The following EPHX2 variants were observed in gnomAD, a reference collection of about 807,000 sequenced individuals.
The protein encoded by EPHX2 is bifunctional epoxide hydrolase 2.
Under a neutral mutation model 78.7 loss-of-function variants are expected in EPHX2, and 74 were observed. The ratio of observed to expected loss-of-function variants is 0.94; its 90% confidence interval spans 0.78 to 1.14. The LOEUF is 1.14. Among genes scored for constraint, EPHX2 ranks in the 50% most tolerant of loss-of-function variants. EPHX2 has a pLI of 0.00. For missense variants in EPHX2, 715 were observed against 702.5 expected (o/e 1.02, Z -0.20); for synonymous variants, 251 against 255.2 (o/e 0.98, Z 0.16).
At chr8:27,538,825 C>T in intron 14 of EPHX2, 133 bp downstream of exon 14, 1 of 971,490 alleles carries the variant, frequency 1.0e-6, no homozygotes, top group Non-Finnish European at 1.6e-6. Context: ...CCAGGGTCCC[C>T]TCGGCATGCA....
chr8:27,521,047 G>A, intron 10 of EPHX2, 138 bp downstream of exon 10: 1 of 930,740 alleles, frequency 1.1e-6, no homozygotes, highest in Non-Finnish European at 1.7e-6. Flanking sequence ...GAGTGGGCAT[G>A]GGCAGGGAAA....
At chr8:27,529,167 C>T (rs1309960743) in intron 12 of EPHX2, among the ~76,000 whole-genome samples, 2 of 152,310 alleles carry the variant, frequency 1.3e-5, no homozygotes, top group East Asian at 3.9e-4. Context: ...AGTCAGCTCC[C>T]ATATAGCTCT....
intron 11 of EPHX2, 83 bp from the exon 12 acceptor site, chr8:27,525,278 AG>A: frequency 8.3e-7 from 1 of 1,202,542 alleles, no homozygotes; most frequent in Non-Finnish European, 1.2e-6. Context: ...TCTGAGCTTC[AG>A]TTTTGAACTG....
chr8:27,525,114 G>GCGCA (rs1554523138), intron 11 of EPHX2, among the ~76,000 whole-genome samples: 7 of 150,632 alleles, frequency 4.6e-5, no homozygotes, highest in African/African-American at 9.8e-5. Context: ...GTGTGCGCGC[G>GCGCA]CGCGCGCGCA....
At chr8:27,525,269 C>A in intron 11 of EPHX2, 93 bp from the exon 12 acceptor site, 1 of 1,094,744 alleles carries the variant, frequency 9.1e-7, no homozygotes, top group Non-Finnish European at 1.4e-6. Flanking sequence ...TGTTCCCACT[C>A]TGAGCTTCAG....
At chr8:27,529,269 GAA>G (rs1814952761) in intron 12 of EPHX2, among the ~76,000 whole-genome samples, 1 of 152,234 alleles carries the variant, frequency 6.6e-6, no homozygotes, top group African/African-American at 2.4e-5. Context: ...CCTTCTCAGA[GAA>G]GAGGTGACAG....
chr8:27,526,775 G>A (rs1166814859), intron 12 of EPHX2, among the ~76,000 whole-genome samples: 1 of 151,774 alleles, frequency 6.6e-6, no homozygotes, highest in Non-Finnish European at 1.5e-5. Context: ...TTTGAGACAG[G>A]ATCTCACTCT....
downstream of EPHX2, among the ~76,000 whole-genome samples, chr8:27,546,505 G>C (rs72478917): frequency 2.1e-3 from 317 of 152,308 alleles, no homozygotes; most frequent in Non-Finnish European, 3.5e-3. Flanking sequence ...CATGAGGACT[G>C]GGGGAAAGGC....
chr8:27,521,023 G>T, intron 10 of EPHX2, 114 bp downstream of exon 10: 1 of 1,201,126 alleles, frequency 8.3e-7, no homozygotes, highest in Non-Finnish European at 1.2e-6. Flanking sequence ...CCCATTTTGG[G>T]GCAGTTTAGG....
chr8:27,516,801 A>G (rs554186337), intron 8 of EPHX2, among the ~76,000 whole-genome samples: 5 of 152,268 alleles, frequency 3.3e-5, no homozygotes, highest in Non-Finnish European at 7.4e-5. Context: ...TAACTCCTCT[A>G]AAGACTGCAT....
intron 1 of EPHX2, among the ~76,000 whole-genome samples, chr8:27,499,883 G>A (rs973121795): frequency 6.6e-6 from 1 of 152,160 alleles, no homozygotes; most frequent in Admixed American, 6.5e-5. Context: ...GTGTGTGTCT[G>A]TGTCCTAATC....
intron 12 of EPHX2, 83 bp from the exon 13 acceptor site, chr8:27,536,701 T>C: frequency 6.8e-7 from 1 of 1,463,502 alleles, no homozygotes; most frequent in Non-Finnish European, 9.6e-7. Flanking sequence ...GTAGGGTGCT[T>C]GTTGCTTTCA....
intron 1 of EPHX2, among the ~76,000 whole-genome samples, chr8:27,495,761 A>T (rs1262471256): frequency 6.6e-6 from 1 of 152,234 alleles, no homozygotes; most frequent in African/African-American, 2.4e-5. Flanking sequence ...TTACTTAGGT[A>T]TGCCACTGGT....
rs755846950 is a variant in EPHX2, at chr8:27,540,673, G to A, written c.1379+17G>A. On this transcript the variant is annotated intron_variant, in intron 15 of 18. Coordinates refer to ENST00000521400, the MANE Select transcript of EPHX2 (RefSeq NM_001979.6). Reference sequence around the variant, plus strand: ...TGGTTTCAGGTAAAGAGAGCACAGGGCCCAGACACAGATGAGAGATGATCG... The same window carrying A: ...TGGTTTCAGGTAAAGAGAGCACAGGACCCAGACACAGATGAGAGATGATCG... The A allele has an allele frequency of 2.5e-6, 4 of 1,608,634 alleles. No homozygotes were observed. The African/African-American group carries it at 5.3e-5, about 22-fold the overall frequency.
intron 6 of EPHX2, among the ~76,000 whole-genome samples, chr8:27,514,800 A>G (rs1814388996): frequency 6.6e-6 from 1 of 152,038 alleles, no homozygotes; most frequent in South Asian, 2.1e-4. Context: ...TTGTGCGTCC[A>G]CACCGACTGT....
intron 12 of EPHX2, among the ~76,000 whole-genome samples, chr8:27,529,889 CAAAA>C (rs56851108): frequency 2.2e-5 from 2 of 90,320 alleles, no homozygotes; most frequent in Admixed American, 1.2e-4. Flanking sequence ...CCAGCCTGAG[CAAAA>C]AAAAAAAAAA....
chr8:27,491,684 T>A (rs1317544277), intron 1 of EPHX2, among the ~76,000 whole-genome samples: 2 of 152,146 alleles, frequency 1.3e-5, no homozygotes, highest in African/African-American at 4.8e-5. Context: ...CTTACTTGTG[T>A]AATAGCAAAC....
At position 27,514,718 on chromosome 8, in the gene EPHX2, C is replaced by T. The variant is rs141900043; in HGVS notation, c.736-1000C>T. Reference sequence around the variant, plus strand: ...GAGATAGGCAAAGGGAGGGAGGCCACGCACAGGAGGTTCCTGTGACCCCCG... The same window carrying T: ...GAGATAGGCAAAGGGAGGGAGGCCATGCACAGGAGGTTCCTGTGACCCCCG... On this transcript the variant is annotated intron_variant, in intron 6 of 18. Transcript: ENST00000521400. Among the ~76,000 whole-genome samples, 655 of 152,204 alleles carry T rather than the reference C, an allele frequency of 4.3e-3. 4 individuals carry two copies. Among genetic ancestry groups the T allele is most frequent in the African/African-American group, 0.015 (626 of 41,526 alleles).
intron 1 of EPHX2, among the ~76,000 whole-genome samples, chr8:27,497,893 TG>T (rs1813632356): frequency 6.6e-6 from 1 of 152,198 alleles, no homozygotes; most frequent in African/African-American, 2.4e-5. Flanking sequence ...AGATCCATAC[TG>T]GGGACGGCTT....
Sources: allele counts gnomAD v4.1 joint callset (sites outside exome capture counted in the v4.1 genomes callset), GRCh38; gene constraint gnomAD v4.1.1; transcripts MANE v1.5; gene names NCBI Gene and HGNC (gene_info 2026-07-23, HGNC 2026-07-21).